The following THRAP3 variants were observed in gnomAD, a reference collection of about 807,000 sequenced individuals.
THRAP3 encodes the protein thyroid hormone receptor-associated protein 3.
In THRAP3, 16 loss-of-function variants were observed where a neutral mutation model predicts 101.0. The ratio of observed to expected loss-of-function variants is 0.16; its 90% CI spans 0.11 to 0.24. THRAP3 has a LOEUF of 0.24. Ranked by LOEUF, THRAP3 falls within the 10% of genes least tolerant of loss-of-function variation. THRAP3 has a pLI of 1.00. For missense variants in THRAP3, 989 were observed against 1,202.7 expected, an observed-to-expected ratio of 0.82 and a Z score of 2.63; for synonymous variants, 407 against 422.6, an observed-to-expected ratio of 0.96 and a Z score of 0.45.
At chr1:36,245,799 T>C (rs1222607932) in intron 1 of THRAP3, among the ~76,000 whole-genome samples, 2 of 152,206 alleles carry the variant, frequency 1.3e-5, no homozygotes, top group East Asian at 1.9e-4. Context: ...TGAACAGTTA[T>C]ATTTGCTTTT....
intron 9 of THRAP3, 75 bp from the exon 10 acceptor site, chr1:36,300,811 C>A: frequency 1.4e-6 from 2 of 1,473,268 alleles, no homozygotes; most frequent in African/African-American, 1.4e-5. Context: ...TTGCCCTGTG[C>A]TTATCCATGA....
chr1:36,250,190 T>C (rs1645282237), intron 1 of THRAP3, among the ~76,000 whole-genome samples: 1 of 151,772 alleles, frequency 6.6e-6, no homozygotes, highest in South Asian at 2.1e-4. Flanking sequence ...TCCTTCCAAA[T>C]AGGCCCTTAG....
intron 2 of THRAP3, among the ~76,000 whole-genome samples, chr1:36,268,853 G>A (rs978844326): frequency 7.2e-5 from 11 of 151,924 alleles, no homozygotes; most frequent in African/African-American, 1.5e-4. Flanking sequence ...AGCCTCCCGA[G>A]TAGCTGTGAC....
chr1:36,268,281 T>C (rs1185491014), intron 2 of THRAP3, among the ~76,000 whole-genome samples: 3 of 152,046 alleles, frequency 2.0e-5, no homozygotes, highest in Non-Finnish European at 4.4e-5. Context: ...GTATGAATTT[T>C]CTGAGAATCA....
intron 1 of THRAP3, among the ~76,000 whole-genome samples, chr1:36,233,068 C>T (rs1018014612): frequency 5.9e-5 from 9 of 151,502 alleles, no homozygotes; most frequent in African/African-American, 1.5e-4. Flanking sequence ...AGGGTTTCAC[C>T]GTGTTGGCCA....
At chr1:36,294,106 A>G (rs1365251495) in intron 8 of THRAP3, 171 bp downstream of exon 8, 16 of 1,407,858 alleles carry the variant, frequency 1.1e-5, no homozygotes, top group African/African-American at 1.4e-5. Flanking sequence ...AAATGTATCA[A>G]CAACCTTTGT....
chr1:36,286,842 G>C lies in THRAP3; in HGVS notation c.612G>C (p.Gln204His). The change falls in exon 4 of 12, where the codon CAG (glutamine) becomes CAC (histidine). Residue 204 changes from glutamine (Q) to histidine (H), a missense_variant. Coordinates refer to ENST00000354618, the MANE Select transcript of THRAP3 (RefSeq NM_005119.4). The surrounding 1 kb of genome is among the most constrained non-coding windows in gnomAD (Gnocchi z 5.5). The stretch of plus-strand genomic sequence containing the variant: ...ACCAGGGAGATGAGGCCAAGGAGCA[G>C]ACATTCTCTGGAGGCACCTCTCAAG... Reference protein sequence around the residue: ...GDNQGDEAKEQTFSGGTSQDT... With the variant: ...GDNQGDEAKEHTFSGGTSQDT... 3.1e-6 allele frequency: 5 copies of C among 1,614,214 alleles called. No individual in the cohort carries two copies. In the South Asian group the frequency reaches 5.5e-5, roughly 18 times the overall value.
chr1:36,222,550 G>A (rs1557798165), upstream of THRAP3, among the ~76,000 whole-genome samples: 1 of 152,174 alleles, frequency 6.6e-6, no homozygotes, highest in Non-Finnish European at 1.5e-5. Context: ...GGGATTACAG[G>A]TGCCCACCAC....
intron 1 of THRAP3, among the ~76,000 whole-genome samples, chr1:36,237,608 T>C (rs1645106267): frequency 6.6e-6 from 1 of 151,600 alleles, no homozygotes; most frequent in Admixed American, 6.6e-5. Flanking sequence ...CCCTCTCTAC[T>C]AAAAATACAA....
At chr1:36,276,095 A>G (rs1645656091) in intron 2 of THRAP3, among the ~76,000 whole-genome samples, 1 of 152,150 alleles carries the variant, frequency 6.6e-6, no homozygotes, top group South Asian at 2.1e-4. Flanking sequence ...CATAGTGCTA[A>G]AACTAGAAAA....
chr1:36,259,425 G>A lies in THRAP3; in HGVS notation c.-91G>A, dbSNP rs1424393740. On this transcript the variant is annotated 5_prime_UTR_variant, in exon 2 of 12. Coordinates refer to ENST00000354618, the MANE Select transcript of THRAP3 (RefSeq NM_005119.4). ...AAAGTGAAGAAGCCAGTGGTGCTGC[G>A]GGTGTTCTTTTGGGGTAGTGTCTGG... 3.3e-5 allele frequency: 13 copies of A among 398,482 alleles called. No homozygotes were observed. The highest frequency in any genetic ancestry group is 8.8e-5 in the Admixed American group (2 of 22,680). 24.7% of individuals were successfully genotyped at this position (398,482 alleles called of 1,614,324 possible). A position where few individuals can be genotyped will look rare whatever the true frequency, so the allele number is the denominator to read the frequency against.
the THRAP3 span, among the ~76,000 whole-genome samples, chr1:36,211,314 T>C: frequency 1.3e-5 from 2 of 150,976 alleles, no homozygotes; most frequent in Non-Finnish European, 2.9e-5. Flanking sequence ...TCAGTTGTGA[T>C]CACACCACTG....
In THRAP3 at chr1:36,241,287, C is replaced by CT. The variant is rs1326251362; in HGVS notation, c.-135+16785dup. Among the ~76,000 whole-genome samples, 5 of 150,110 alleles carry CT rather than the reference C, an allele frequency of 3.3e-5. No individual in the cohort carries two copies. In the East Asian group the frequency reaches 9.7e-4, roughly 29 times the overall value. On this transcript the variant is annotated intron_variant, in intron 1 of 11. Transcript: ENST00000354618. ...ACTTGTTTTTGTAAACCTGAATTCT[C>CT]TTTAGAGTACTTCAGGTTTATGTTT...
chr1:36,237,639 C>T (rs1006976211), intron 1 of THRAP3, among the ~76,000 whole-genome samples: 2 of 151,888 alleles, frequency 1.3e-5, no homozygotes, highest in African/African-American at 4.8e-5. Context: ...GGCATTGTGG[C>T]GGGCGCCTGT....
chr1:36,252,878 GC>G (rs1170752268), intron 1 of THRAP3, among the ~76,000 whole-genome samples: 1 of 148,020 alleles, frequency 6.8e-6, no homozygotes, highest in South Asian at 2.1e-4. Flanking sequence ...CTGCACGCCA[GC>G]CTGGGTGACA....
chr1:36,231,248 G>A (rs537976482), intron 1 of THRAP3, among the ~76,000 whole-genome samples: 1 of 152,180 alleles, frequency 6.6e-6, no homozygotes, highest in South Asian at 2.1e-4. Flanking sequence ...TTGAAGCAAT[G>A]CAGGGGGAAC....
intron 1 of THRAP3, among the ~76,000 whole-genome samples, chr1:36,253,003 CAG>C (rs780560167): frequency 7.3e-5 from 10 of 136,458 alleles, no homozygotes; most frequent in Non-Finnish European, 9.2e-5. Flanking sequence ...TTTGTAGTAA[CAG>C]GGCTATAAGA....
At chr1:36,222,688 C>G (rs1557798332), upstream of THRAP3, among the ~76,000 whole-genome samples, 1 of 152,034 alleles carries the variant, frequency 6.6e-6, no homozygotes, top group African/African-American at 2.4e-5. Flanking sequence ...GGATTACCGG[C>G]GTGAGCCACC....
intron 1 of THRAP3, among the ~76,000 whole-genome samples, chr1:36,254,420 C>T (rs932215695): frequency 2.6e-5 from 4 of 152,292 alleles, no homozygotes; most frequent in South Asian, 2.1e-4. Flanking sequence ...CACACTGTGC[C>T]TTAAAAGGGT....
Sources: gnomAD v4.1 joint callset for allele counts (sites outside exome capture counted in the v4.1 genomes callset) on GRCh38, gnomAD v4.1.1 for gene constraint, Gnocchi (gnomAD v3.1) non-coding constraint, MANE v1.5 for transcripts, NCBI Gene and HGNC (gene_info 2026-07-23, HGNC 2026-07-21) for gene names.